The following EML1 variants were observed in gnomAD, a reference collection of about 807,000 sequenced individuals.
The protein encoded by EML1 is echinoderm microtubule-associated protein-like 1.
A neutral mutation model predicts 110.4 loss-of-function variants in EML1; 27 were observed. That is an observed-to-expected ratio of 0.24 (90% CI 0.18 to 0.34). The LOEUF is 0.34. Among genes scored for constraint, EML1 ranks in the 10% least tolerant of loss-of-function variants. EML1 has a pLI of 1.00. For synonymous variants in EML1, 344 were observed against 385.8 expected (o/e 0.89, Z 1.27); for missense variants, 741 against 1,030.9 (o/e 0.72, Z 3.85).
intron 2 of EML1, among the ~76,000 whole-genome samples, chr14:99,864,744 C>T (rs1346279991): frequency 1.3e-5 from 2 of 149,508 alleles, no homozygotes; most frequent in African/African-American, 2.5e-5. Flanking sequence ...CCCAGGAGAC[C>T]GAGTTGGCTG....
intron 1 of EML1, among the ~76,000 whole-genome samples, chr14:99,765,082 C>T (rs1244735558): frequency 2.0e-5 from 3 of 152,156 alleles, no homozygotes; most frequent in African/African-American, 7.2e-5. Context: ...GGACCACAGG[C>T]GAATGCCACC....
At chr14:99,739,424 C>T (rs1351785933) in intron 1 of EML1, among the ~76,000 whole-genome samples, 1 of 152,192 alleles carries the variant, frequency 6.6e-6, no homozygotes, top group Non-Finnish European at 1.5e-5. Flanking sequence ...TTTAGCCCGT[C>T]GGAGCAAAGG....
intron 12 of EML1, 95 bp from the exon 13 acceptor site, chr14:99,911,327 T>C: frequency 7.2e-7 from 1 of 1,384,476 alleles, no homozygotes. Context: ...TCACGGACAA[T>C]ATTGCGTTTT....
intron 10 of EML1, among the ~76,000 whole-genome samples, chr14:99,908,833 A>G (rs967813825): frequency 1.3e-5 from 2 of 152,206 alleles, no homozygotes; most frequent in Admixed American, 1.3e-4. Flanking sequence ...AGAGTCAGCC[A>G]CGAACAATGG....
intron 1 of EML1, among the ~76,000 whole-genome samples, chr14:99,747,423 TG>T (rs1352627498): frequency 6.8e-6 from 1 of 148,138 alleles, no homozygotes; most frequent in Non-Finnish European, 1.5e-5. Flanking sequence ...TCTGGCCTGA[TG>T]GGGGGCAGGG....
rs574407736 is a variant in EML1 at position 99,882,959 on chromosome 14, A to T, written c.518+4340A>T. ...GTCAGGTCGAGAACCACTGGGCTGG[A>T]CACCTTGAGCGCCTGTCCTTTCTAA... is the stretch of plus-strand genomic sequence containing the variant. On this transcript the variant is annotated intron_variant, in intron 4 of 21. Coordinates refer to ENST00000262233, the MANE Select transcript of EML1 (RefSeq NM_004434.3). Among the ~76,000 whole-genome samples, 101 of 152,280 alleles carry T rather than the reference A, an allele frequency of 6.6e-4. 3 individuals carry two copies. In the South Asian group the frequency reaches 0.019, roughly 28 times the overall value.
chr14:99,907,828 A>C (rs1595464688), intron 10 of EML1, 95 bp downstream of exon 10: 2 of 1,141,272 alleles, frequency 1.8e-6, no homozygotes, highest in Non-Finnish European at 2.6e-6. Flanking sequence ...GCTCATTCCC[A>C]CCCCAGCCCT....
At chr14:99,850,252 T>G (rs769038235) in intron 1 of EML1, 1 of 1,272,440 alleles carries the variant, frequency 7.9e-7, no homozygotes, top group South Asian at 1.2e-5. Flanking sequence ...GGAAGAATGA[T>G]GTACAATGAG....
chr14:99,886,651 C>T (rs1333971729), intron 4 of EML1, among the ~76,000 whole-genome samples: 1 of 152,248 alleles, frequency 6.6e-6, no homozygotes, highest in Non-Finnish European at 1.5e-5. Flanking sequence ...ATTAGTTCCA[C>T]TCTGATCCTA....
At position 99,827,979 on chromosome 14, in the gene EML1, A is replaced by T. The variant is rs901079223; in HGVS notation, c.68-22874A>T. Among the ~76,000 whole-genome samples, 4 of 152,138 alleles carry T rather than the reference A, an allele frequency of 2.6e-5. No homozygotes were observed. Among genetic ancestry groups the T allele is most frequent in the Non-Finnish European group, 5.9e-5 (4 of 68,024 alleles). On this transcript the variant is annotated intron_variant, in intron 1 of 21. Transcript: ENST00000262233. This position sits in a 1 kb window ranked among gnomAD's most constrained non-coding sequence, Gnocchi z 4.4. ...CTTGCCTGTGAATGAAATGGAGGGA[A>T]TTGAAGATTTCGGTGTGCTTGCAGT... is the stretch of plus-strand genomic sequence containing the variant.
intron 17 of EML1, 23 bp downstream of exon 17, chr14:99,920,900 A>G (rs371071069): frequency 6.5e-7 from 1 of 1,527,874 alleles, no homozygotes; most frequent in African/African-American, 1.8e-5. Context: ...ACCATTCACT[A>G]CTTTATTTTT....
chr14:99,917,638 G>A, intron 15 of EML1, 144 bp from the exon 16 acceptor site: 1 of 766,642 alleles, frequency 1.3e-6, no homozygotes, highest in Non-Finnish European at 2.0e-6. Flanking sequence ...TTTTTCTCTA[G>A]AAAAGAGACT....
chr14:99,898,558 GC>G (rs2059708860), intron 8 of EML1, among the ~76,000 whole-genome samples: 1 of 152,140 alleles, frequency 6.6e-6, no homozygotes, highest in African/African-American at 2.4e-5. Context: ...TTTGAGACCA[GC>G]CTAGCCAACA....
chr14:99,818,569 G>A (rs751467014), intron 1 of EML1, among the ~76,000 whole-genome samples: 10 of 152,132 alleles, frequency 6.6e-5, no homozygotes, highest in Non-Finnish European at 1.3e-4. Context: ...ATGACCATGC[G>A]AACTTCATGT....
At chr14:99,837,965 A>G (rs1451316750) in intron 1 of EML1, among the ~76,000 whole-genome samples, 1 of 151,982 alleles carries the variant, frequency 6.6e-6, no homozygotes, top group Non-Finnish European at 1.5e-5. Context: ...ATGCCTGGCT[A>G]ATTTTTTAAA....
At chr14:99,744,360 T>G (rs1452201334) in intron 1 of EML1, among the ~76,000 whole-genome samples, 1 of 152,152 alleles carries the variant, frequency 6.6e-6, no homozygotes, top group Non-Finnish European at 1.5e-5. Context: ...AAGAGAGAGA[T>G]GGCGACACAG....
chr14:99,822,609 C>T (rs2058283115), intron 1 of EML1, among the ~76,000 whole-genome samples: 1 of 152,192 alleles, frequency 6.6e-6, no homozygotes, highest in Admixed American at 6.5e-5. Flanking sequence ...TCCACACCCC[C>T]TCCATCTCTC....
At chr14:99,817,553 T>C (rs2058189728) in intron 1 of EML1, among the ~76,000 whole-genome samples, 2 of 152,072 alleles carry the variant, frequency 1.3e-5, no homozygotes, top group African/African-American at 4.8e-5. Flanking sequence ...ACAAAGGAAA[T>C]TAGAGCTTGG....
intron 1 of EML1, among the ~76,000 whole-genome samples, chr14:99,847,524 A>G (rs1802178005): frequency 6.6e-6 from 1 of 152,028 alleles, no homozygotes; most frequent in Non-Finnish European, 1.5e-5. Flanking sequence ...TAATTTTTAA[A>G]TTTTTTATAG....
Sources: gnomAD v4.1 joint callset for allele counts (sites outside exome capture counted in the v4.1 genomes callset) on GRCh38, gnomAD v4.1.1 for gene constraint, Gnocchi (gnomAD v3.1) non-coding constraint, MANE v1.5 for transcripts, NCBI Gene and HGNC (gene_info 2026-07-23, HGNC 2026-07-21) for gene names.